Variants in ADGRL3 observed in about 807,000 individuals in gnomAD.
ADGRL3 encodes calcium-independent alpha-latrotoxin receptor 3.
ADGRL3 carries 62 observed loss-of-function variants against 153.5 expected under a neutral mutation model. The ratio of observed to expected loss-of-function variants is 0.40; its 90% CI spans 0.33 to 0.50. The LOEUF (loss-of-function observed/expected upper bound fraction) is 0.50, where lower values mean the gene tolerates loss of function less well. ADGRL3 is among the 20% of genes least tolerant of loss of function. The pLI is 0.47. For missense variants in ADGRL3, 1,641 were observed against 1,859.4 expected (o/e 0.88, Z 2.16); for synonymous variants, 710 against 672.5 (o/e 1.06, Z -0.86).
intron 1 of ADGRL3, among the ~76,000 whole-genome samples, chr4:61,235,022 T>C (rs1450615551): frequency 2.0e-5 from 3 of 152,104 alleles, no homozygotes; most frequent in African/African-American, 7.2e-5. Flanking sequence ...ACCAACCAAA[T>C]AAGGTCCCAG....
intron 2 of ADGRL3, among the ~76,000 whole-genome samples, chr4:61,463,594 A>G (rs2097848162): frequency 6.6e-6 from 1 of 152,172 alleles, no homozygotes; most frequent in Admixed American, 6.6e-5. Context: ...GCCAAACCAT[A>G]TCACCTTAGT....
chr4:61,276,620 T>C (rs1227768784), intron 1 of ADGRL3, among the ~76,000 whole-genome samples: 3 of 152,146 alleles, frequency 2.0e-5, no homozygotes, highest in African/African-American at 7.2e-5. Flanking sequence ...TCTAATTCAT[T>C]TTTGTCAATT....
At chr4:61,473,442 A>G (rs573769339) in intron 2 of ADGRL3, among the ~76,000 whole-genome samples, 24 of 152,088 alleles carry the variant, frequency 1.6e-4, no homozygotes, top group Non-Finnish European at 2.6e-4. Flanking sequence ...GGCAGTGAAT[A>G]TATAGTTAAG....
intron 9 of ADGRL3, among the ~76,000 whole-genome samples, chr4:61,884,704 A>C (rs2098527371): frequency 6.6e-6 from 1 of 151,696 alleles, no homozygotes; most frequent in Non-Finnish European, 1.5e-5. Context: ...GGCTCACTGA[A>C]ACCTCTGCCC....
chr4:61,319,948 G>C lies in ADGRL3; in HGVS notation c.-239-63176G>C, dbSNP rs550797874. On this transcript the variant is annotated intron_variant, in intron 1 of 26. Coordinates refer to ENST00000683033, the MANE Select transcript of ADGRL3 (RefSeq NM_001387552.1). ...ATATTGAAGTCCTAACTCCTAATAT[G>C]ATTGTATTTGGAAATACAGCTGAGA... Among the ~76,000 whole-genome samples the C allele has an allele frequency of 3.9e-5, 6 of 152,252 alleles. No homozygotes were observed. In the East Asian group the frequency reaches 7.7e-4, roughly 20 times the overall value.
chr4:61,971,517 A>C (rs989152734), intron 17 of ADGRL3, among the ~76,000 whole-genome samples: 1 of 152,108 alleles, frequency 6.6e-6, no homozygotes, highest in African/African-American at 2.4e-5. Context: ...ATAGTATTCC[A>C]TGGTATATAT....
intron 4 of ADGRL3, among the ~76,000 whole-genome samples, chr4:61,576,243 G>T (rs2098880090): frequency 6.6e-6 from 1 of 151,922 alleles, no homozygotes; most frequent in Non-Finnish European, 1.5e-5. Context: ...TTCTAAACCA[G>T]CTACATATTT....
At chr4:61,825,773 C>A (rs1216195307) in intron 9 of ADGRL3, among the ~76,000 whole-genome samples, 1 of 152,080 alleles carries the variant, frequency 6.6e-6, no homozygotes. Flanking sequence ...TGAAAAATTT[C>A]TTAAATTATT....
intron 24 of ADGRL3, among the ~76,000 whole-genome samples, chr4:62,042,778 T>G (rs1729067472): frequency 6.6e-6 from 1 of 152,036 alleles, no homozygotes. Flanking sequence ...TGTAGTATAA[T>G]GAATAGTCAC....
intron 25 of ADGRL3, among the ~76,000 whole-genome samples, chr4:62,065,232 C>T (rs558277609): frequency 6.6e-6 from 1 of 152,188 alleles, no homozygotes; most frequent in Admixed American, 6.6e-5. Context: ...AAACAGCTAA[C>T]CTGTCTTCCT....
intron 1 of ADGRL3, among the ~76,000 whole-genome samples, chr4:61,262,177 C>T (rs957449477): frequency 2.0e-5 from 3 of 152,092 alleles, no homozygotes; most frequent in Non-Finnish European, 2.9e-5. Flanking sequence ...ACAGCAGTGT[C>T]CTGGCATGTG....
intron 8 of ADGRL3, among the ~76,000 whole-genome samples, chr4:61,806,936 C>T (rs2097559026): frequency 6.6e-6 from 1 of 151,968 alleles, no homozygotes; most frequent in South Asian, 2.1e-4. Flanking sequence ...ACTAGTCTTT[C>T]CTGAGTCACC....
chr4:61,467,113 G>A (rs1197366868), intron 2 of ADGRL3, among the ~76,000 whole-genome samples: 1 of 152,054 alleles, frequency 6.6e-6, no homozygotes, highest in African/African-American at 2.4e-5. Context: ...CAAGCTGAAG[G>A]AGTTCAGAAT....
chr4:61,258,302 C>T (rs1048698102), intron 1 of ADGRL3, among the ~76,000 whole-genome samples: 1 of 152,130 alleles, frequency 6.6e-6, no homozygotes, highest in Non-Finnish European at 1.5e-5. Context: ...TATTAGAATC[C>T]TCTCTACATA....
At chr4:61,636,368 T>C (rs2093423964) in intron 5 of ADGRL3, among the ~76,000 whole-genome samples, 1 of 152,150 alleles carries the variant, frequency 6.6e-6, no homozygotes, top group Admixed American at 6.6e-5. Context: ...ATAATAAATA[T>C]ATGAAGGGGC....
intron 6 of ADGRL3, among the ~76,000 whole-genome samples, chr4:61,727,910 A>G (rs985303734): frequency 6.6e-6 from 1 of 152,070 alleles, no homozygotes; most frequent in Non-Finnish European, 1.5e-5. Context: ...TTAATTCAAG[A>G]GCTATTCACT....
At chr4:61,296,582 G>C (rs940212859) in intron 1 of ADGRL3, among the ~76,000 whole-genome samples, 1 of 152,154 alleles carries the variant, frequency 6.6e-6, no homozygotes, top group East Asian at 1.9e-4. Context: ...TACTGGATTA[G>C]AATTAAGGGA....
chr4:61,977,705 C>T (rs1260356796), intron 17 of ADGRL3, among the ~76,000 whole-genome samples: 1 of 151,970 alleles, frequency 6.6e-6, no homozygotes, highest in Non-Finnish European at 1.5e-5. Flanking sequence ...ATTTCCACAT[C>T]CAGAAAAATC....
At chr4:61,683,099 C>A (rs983627965) in intron 6 of ADGRL3, among the ~76,000 whole-genome samples, 1 of 145,564 alleles carries the variant, frequency 6.9e-6, no homozygotes, top group Non-Finnish European at 1.5e-5. Context: ...GAGAAGGTGA[C>A]CCTTCAAGAG....
Sources: gnomAD v4.1 joint callset for allele counts (sites outside exome capture counted in the v4.1 genomes callset) on GRCh38, gnomAD v4.1.1 for gene constraint, MANE v1.5 for transcripts, NCBI Gene and HGNC (gene_info 2026-07-23, HGNC 2026-07-21) for gene names.